Variants in CRACDL observed in about 807,000 individuals in gnomAD.
CRACDL encodes CRACD-like protein.
CRACDL carries 26 observed loss-of-function variants against 70.6 expected under a neutral mutation model. That is an observed-to-expected ratio of 0.37 (90% CI 0.27 to 0.51). The LOEUF is 0.51. CRACDL is among the 20% of genes least tolerant of loss of function. The probability of loss-of-function intolerance (pLI) is 0.94; values close to 1 mark genes in which losing one functional copy is unlikely to be tolerated. For missense variants in CRACDL, 1,283 were observed against 1,376.9 expected (o/e 0.93, Z 1.08); for synonymous variants, 618 against 615.2 (o/e 1.00, Z -0.07).
At chr2:98,934,773 T>C (rs1709167146) in intron 1 of CRACDL, among the ~76,000 whole-genome samples, 1 of 152,176 alleles carries the variant, frequency 6.6e-6, no homozygotes, top group African/African-American at 2.4e-5. Flanking sequence ...AAATGCCTTA[T>C]TACAATATTT....
At chr2:98,910,024 C>T (rs1193627291) in intron 1 of CRACDL, among the ~76,000 whole-genome samples, 1 of 152,198 alleles carries the variant, frequency 6.6e-6, no homozygotes, top group Non-Finnish European at 1.5e-5. Flanking sequence ...CGCCATCTCT[C>T]CCACATCGCA....
At chr2:98,886,761 G>A (rs1707807050) in intron 1 of CRACDL, among the ~76,000 whole-genome samples, 1 of 151,910 alleles carries the variant, frequency 6.6e-6, no homozygotes, top group Admixed American at 6.6e-5. Context: ...AATAAACAAA[G>A]AACAACAACA....
At chr2:98,802,998 CTTTTTTTTT>C (rs34784675) in intron 7 of CRACDL, among the ~76,000 whole-genome samples, 1 of 128,240 alleles carries the variant, frequency 7.8e-6, no homozygotes, top group Non-Finnish European at 1.7e-5. Context: ...ACATGCCTGG[CTTTTTTTTT>C]TTTTTTTTTT....
chr2:98,886,891 G>C (rs574636901), intron 1 of CRACDL, among the ~76,000 whole-genome samples: 4 of 152,212 alleles, frequency 2.6e-5, no homozygotes, highest in African/African-American at 9.6e-5. Flanking sequence ...CCACATATAG[G>C]GAGCCCAGTC....
At chr2:98,922,684 G>A (rs1034359923) in intron 1 of CRACDL, among the ~76,000 whole-genome samples, 1 of 152,084 alleles carries the variant, frequency 6.6e-6, no homozygotes, top group Non-Finnish European at 1.5e-5. Flanking sequence ...CCTCACAGGG[G>A]AGCCTAGGCC....
intron 1 of CRACDL, among the ~76,000 whole-genome samples, chr2:98,927,233 G>T (rs894871035): frequency 6.6e-6 from 1 of 152,200 alleles, no homozygotes; most frequent in Non-Finnish European, 1.5e-5. Flanking sequence ...TCCCTGGTGC[G>T]GGTGGACGGT....
intron 1 of CRACDL, among the ~76,000 whole-genome samples, chr2:98,918,816 G>A (rs1390393811): frequency 6.6e-6 from 1 of 152,012 alleles, no homozygotes; most frequent in African/African-American, 2.4e-5. Context: ...TTAAGTTCCT[G>A]GTAAATTCTG....
rs568605719 is a variant in CRACDL at position 98,833,986 on chromosome 2, A to C, written c.240-989T>G. Among the ~76,000 whole-genome samples, 3 of 152,348 alleles carry C rather than the reference A, an allele frequency of 2.0e-5. No individual in the cohort carries two copies. The South Asian group carries it at 6.2e-4, about 32-fold the overall frequency. ...CTTCTAATTAAACTCTCACGCCTGC[A>C]ACAGTAAGCTTGCAAGTGGGAACCC... On this transcript the variant is annotated intron_variant, in intron 3 of 9. Coordinates refer to ENST00000397899, the MANE Select transcript of CRACDL (RefSeq NM_207362.3).
chr2:98,905,824 C>T (rs1558633510), intron 1 of CRACDL, among the ~76,000 whole-genome samples: 1 of 152,114 alleles, frequency 6.6e-6, no homozygotes, highest in Non-Finnish European at 1.5e-5. Context: ...GCCATGTTGG[C>T]CAGGCTGGTC....
chr2:98,805,299 A>C (rs989016872), intron 7 of CRACDL, among the ~76,000 whole-genome samples: 3 of 151,534 alleles, frequency 2.0e-5, no homozygotes, highest in African/African-American at 7.3e-5. Flanking sequence ...AAATAACAAA[A>C]CCCCCCCTAA....
At chr2:98,796,305 T>C in intron 8 of CRACDL, 41 bp from the exon 9 acceptor site, 1 of 1,596,302 alleles carries the variant, frequency 6.3e-7, no homozygotes, top group Non-Finnish European at 8.6e-7. Flanking sequence ...TTAACAATGA[T>C]TCAGACAGGG....
chr2:98,813,784 T>C (rs1704670297), intron 7 of CRACDL, among the ~76,000 whole-genome samples: 1 of 152,214 alleles, frequency 6.6e-6, no homozygotes, highest in African/African-American at 2.4e-5. Context: ...TTTTGTATAA[T>C]TGGTGTTATT....
chr2:98,848,413 G>T (rs1706348863), intron 1 of CRACDL, among the ~76,000 whole-genome samples: 1 of 152,102 alleles, frequency 6.6e-6, no homozygotes, highest in Admixed American at 6.5e-5. Context: ...AAAACATACG[G>T]TGTAAGGGGA....
rs576354793 is a variant in CRACDL, at chr2:98,829,442, T to C, written c.541-2273A>G. Among the ~76,000 whole-genome samples the C allele has an allele frequency of 4.6e-5, 7 of 152,276 alleles. No individual in the cohort carries two copies. The South Asian group carries it at 1.2e-3, about 27-fold the overall frequency. On this transcript the variant is annotated intron_variant, in intron 5 of 9. Coordinates refer to ENST00000397899, the MANE Select transcript of CRACDL (RefSeq NM_207362.3). Reference sequence around the variant, plus strand: ...CCCTCATCTTCATGACCAAGGAGAATTGTGTCTGTTGTTGATCAGTGATGT... The same window carrying C: ...CCCTCATCTTCATGACCAAGGAGAACTGTGTCTGTTGTTGATCAGTGATGT...
rs1366612841 is a variant in CRACDL, at chr2:98,885,916, G to A, written c.-10-39106C>T. The stretch of plus-strand genomic sequence containing the variant: ...CCCCCATGAAAATAATGAGAAAACT[G>A]GTTAAAAAAAAAAAAGGTCAGAATG... On this transcript the variant is annotated intron_variant, in intron 1 of 9. Transcript: ENST00000397899. Among the ~76,000 whole-genome samples the A allele has an allele frequency of 1.9e-4, 22 of 117,090 alleles. No homozygotes were observed. In the Admixed American group the frequency reaches 1.9e-3, roughly 10 times the overall value. The allele number at this position is 117,090 out of a possible 152,430, so 76.8% of individuals were successfully genotyped here.
intron 1 of CRACDL, among the ~76,000 whole-genome samples, chr2:98,886,192 T>G (rs1316259973): frequency 6.6e-6 from 1 of 152,206 alleles, no homozygotes; most frequent in African/African-American, 2.4e-5. Flanking sequence ...TCTCAGAGAT[T>G]TGTCATTAAT....
At chr2:98,868,928 C>G in intron 1 of CRACDL, 1 of 367,870 alleles carries the variant, frequency 2.7e-6, no homozygotes, top group Non-Finnish European at 5.4e-6. Flanking sequence ...GTAAGGAGGT[C>G]ACAAACATTC....
At chr2:98,912,286 G>A (rs1268088094) in intron 1 of CRACDL, among the ~76,000 whole-genome samples, 4 of 152,232 alleles carry the variant, frequency 2.6e-5, no homozygotes, top group East Asian at 1.9e-4. Flanking sequence ...GTCAGGAGGC[G>A]ATGCATTGTC....
At chr2:98,849,030 G>A (rs1706374180) in intron 1 of CRACDL, among the ~76,000 whole-genome samples, 1 of 152,242 alleles carries the variant, frequency 6.6e-6, no homozygotes, top group African/African-American at 2.4e-5. Flanking sequence ...TGAGACCCAC[G>A]TGGTTCCCAC....
Sources: gnomAD v4.1 joint callset for allele counts (sites outside exome capture counted in the v4.1 genomes callset) on GRCh38, gnomAD v4.1.1 for gene constraint, MANE v1.5 for transcripts, NCBI Gene and HGNC (gene_info 2026-07-23, HGNC 2026-07-21) for gene names.